The following GPD1L variants were observed in gnomAD, a reference collection of about 807,000 sequenced individuals.
GPD1L encodes the protein glycerol-3-phosphate dehydrogenase 1 like, also known as glycerol-3-phosphate dehydrogenase 1-like protein.
A neutral mutation model predicts 32.9 loss-of-function variants in GPD1L; 17 were observed. The ratio of observed to expected loss-of-function variants is 0.52; its 90% CI spans 0.35 to 0.78. GPD1L has a LOEUF of 0.78. Among genes scored for constraint, GPD1L ranks in the 30% least tolerant of loss-of-function variants. The pLI is 0.01. For missense variants in GPD1L, 361 were observed against 447.8 expected (o/e 0.81, Z 1.75); for synonymous variants, 187 against 165.9 (o/e 1.13, Z -0.98).
chr3:32,141,673 C>G (rs570900824), intron 4 of GPD1L, among the ~76,000 whole-genome samples: 45 of 152,146 alleles, frequency 3.0e-4, no homozygotes, highest in Middle Eastern at 3.4e-3. Flanking sequence ...GATACAGACA[C>G]AGGTTTAAAA....
In GPD1L at chr3:32,158,922, G is replaced by A; in HGVS notation, c.665G>A (p.Gly222Glu). 6.2e-7 allele frequency: 1 copy of A among 1,614,112 alleles called. No homozygotes were observed. Among genetic ancestry groups the A allele is most frequent in the Non-Finnish European group, 8.5e-7 (1 of 1,180,032 alleles). The change falls in exon 6 of 8, where the codon GGA (glycine) becomes GAA (glutamate). Residue 222 changes from glycine (G) to glutamate (E), a missense_variant. Transcript: ENST00000282541. ...GGGTTCTGCGACGGCCTCCGCTGTG[G>A]AGACAACACCAAAGCGGCCGTCATC... ...GAGFCDGLRCGDNTKAAVIRL... is the reference protein window; with the variant it reads ...GAGFCDGLRCEDNTKAAVIRL...
intron 4 of GPD1L, among the ~76,000 whole-genome samples, chr3:32,143,052 T>G (rs1413047959): frequency 6.6e-6 from 1 of 152,142 alleles, no homozygotes; most frequent in Non-Finnish European, 1.5e-5. Flanking sequence ...GGTATGGTAG[T>G]ACATACCTGT....
At chr3:32,122,064 C>T (rs1700431737) in intron 1 of GPD1L, among the ~76,000 whole-genome samples, 2 of 152,122 alleles carry the variant, frequency 1.3e-5, no homozygotes, top group African/African-American at 4.8e-5. Flanking sequence ...CCACCGTGCG[C>T]AGCAGCACAG....
intron 1 of GPD1L, among the ~76,000 whole-genome samples, chr3:32,110,709 A>G (rs1700233547): frequency 6.6e-6 from 1 of 152,328 alleles, no homozygotes; most frequent in East Asian, 1.9e-4. Flanking sequence ...AGGGGCCGTC[A>G]TGCATCCAGC....
At chr3:32,157,422 CTA>C (rs1346809193) in intron 5 of GPD1L, among the ~76,000 whole-genome samples, 1 of 152,078 alleles carries the variant, frequency 6.6e-6, no homozygotes, top group Non-Finnish European at 1.5e-5. Context: ...AGGACAAGCT[CTA>C]TGTCTTAACT....
chr3:32,140,442 T>G, intron 4 of GPD1L, 76 bp downstream of exon 4: 1 of 1,493,792 alleles, frequency 6.7e-7, no homozygotes, highest in Non-Finnish European at 9.3e-7. Flanking sequence ...ATTTCTGATA[T>G]TTTCTGTAAT....
chr3:32,118,849 A>T (rs1700368086), intron 1 of GPD1L, among the ~76,000 whole-genome samples: 1 of 152,194 alleles, frequency 6.6e-6, no homozygotes, highest in Non-Finnish European at 1.5e-5. Context: ...TAAGTACCTC[A>T]TATAAGTAGA....
intron 2 of GPD1L, among the ~76,000 whole-genome samples, chr3:32,128,857 G>C (rs1023480588): frequency 6.6e-6 from 1 of 152,238 alleles, no homozygotes; most frequent in African/African-American, 2.4e-5. Flanking sequence ...CATGAGATCA[G>C]CTTGCTAGGA....
At chr3:32,129,406 C>G (rs1045039832) in intron 2 of GPD1L, among the ~76,000 whole-genome samples, 2 of 152,146 alleles carry the variant, frequency 1.3e-5, no homozygotes, top group Non-Finnish European at 2.9e-5. Context: ...TTACAGTGTT[C>G]GTTAGTGTCA....
intron 2 of GPD1L, among the ~76,000 whole-genome samples, chr3:32,138,345 A>C (rs999860886): frequency 6.6e-6 from 1 of 152,206 alleles, no homozygotes; most frequent in Non-Finnish European, 1.5e-5. Flanking sequence ...CCTTTTGCAG[A>C]TAAGGCAGTT....
chr3:32,146,380 C>G (rs114516290), intron 4 of GPD1L, among the ~76,000 whole-genome samples: 1,593 of 152,172 alleles, frequency 0.01, 16 homozygotes, highest in Non-Finnish European at 0.016. Flanking sequence ...GTCATCGTGT[C>G]TGGCCAAAAA....
intron 7 of GPD1L, among the ~76,000 whole-genome samples, chr3:32,160,795 G>A (rs1275895200): frequency 6.6e-6 from 1 of 152,128 alleles, no homozygotes; most frequent in African/African-American, 2.4e-5. Context: ...CTCTCCTGAG[G>A]CCACTCTCCA....
chr3:32,128,239 C>G lies in GPD1L; in HGVS notation c.211C>G (p.Leu71Val). Reference sequence around the variant, plus strand: ...TGTAAAATATCTTCCTGGACACAAGCTGCCAGAAAATGTGGTAAGACTTTG... The same window carrying G: ...TGTAAAATATCTTCCTGGACACAAGGTGCCAGAAAATGTGGTAAGACTTTG... ...ENVKYLPGHK[L>V]PENVVAMSNL... Residue 71 changes from leucine to valine, a missense_variant, in exon 2 of 8, where the codon CTG becomes GTG. Coordinates refer to ENST00000282541, the MANE Select transcript of GPD1L (RefSeq NM_015141.4). 6.2e-7 allele frequency: 1 copy of G among 1,613,318 alleles called. No individual in the cohort carries two copies. The highest frequency in any genetic ancestry group is 8.5e-7 in the Non-Finnish European group (1 of 1,179,394).
At chr3:32,127,981 G>T in intron 1 of GPD1L, 95 bp from the exon 2 acceptor site, 2 of 871,126 alleles carry the variant, frequency 2.3e-6, no homozygotes, top group Admixed American at 4.0e-5. Context: ...GTTTGAATCA[G>T]AATCAAAACA....
chr3:32,119,562 T>C (rs57671921), intron 1 of GPD1L, among the ~76,000 whole-genome samples: 3,465 of 152,294 alleles, frequency 0.023, 122 homozygotes, highest in African/African-American at 0.079. Flanking sequence ...TCAAATAACA[T>C]TCGCCAAGTT....
chr3:32,111,381 G>A (rs1034951258), intron 1 of GPD1L, among the ~76,000 whole-genome samples: 1 of 152,070 alleles, frequency 6.6e-6, no homozygotes, highest in Non-Finnish European at 1.5e-5. Flanking sequence ...TTTCTGCCTG[G>A]GTCTCCCACT....
At position 32,167,695 on chromosome 3, in the gene GPD1L, C is replaced by G. The variant is rs893372008; in HGVS notation, c.*1785C>G. ...ACATATGAATGTAATTTATATATTC[C>G]TAGAATTTAAGTTACTTTGTGAGAT... On this transcript the variant is annotated 3_prime_UTR_variant, in exon 8 of 8. Coordinates refer to ENST00000282541, the MANE Select transcript of GPD1L (RefSeq NM_015141.4). 5.2e-5 allele frequency: 8 copies of G among 152,526 alleles called. No individual in the cohort carries two copies. The highest frequency in any genetic ancestry group is 8.8e-5 in the Non-Finnish European group (6 of 68,014). 9.4% of individuals were successfully genotyped at this position (152,526 alleles called of 1,614,324 possible).
At chr3:32,161,161 C>T (rs1036930126) in intron 7 of GPD1L, among the ~76,000 whole-genome samples, 5 of 152,292 alleles carry the variant, frequency 3.3e-5, no homozygotes, top group East Asian at 1.9e-4. Context: ...CCTCCCCCTG[C>T]ACCCAGCACC....
At chr3:32,133,144 A>G (rs958843123) in intron 2 of GPD1L, among the ~76,000 whole-genome samples, 13 of 152,194 alleles carry the variant, frequency 8.5e-5, no homozygotes, top group African/African-American at 3.1e-4. Context: ...GCTGACTGGC[A>G]TTAGAGCCCG....
Sources: gnomAD v4.1 joint callset for allele counts (sites outside exome capture counted in the v4.1 genomes callset) on GRCh38, gnomAD v4.1.1 for gene constraint, MANE v1.5 for transcripts, NCBI Gene and HGNC (gene_info 2026-07-23, HGNC 2026-07-21) for gene names.